Variants in GYG1 observed in about 807,000 individuals in gnomAD.
The protein encoded by GYG1 is glycogenin-1.
Under a neutral mutation model 41.9 loss-of-function variants are expected in GYG1, and 44 were observed. The ratio of observed to expected loss-of-function variants is 1.05; its 90% confidence interval spans 0.83 to 1.35. The LOEUF (loss-of-function observed/expected upper bound fraction) is 1.35. Ranked by LOEUF, GYG1 falls within the 40% of genes most tolerant of loss-of-function variation. GYG1 has a pLI of 0.00. For missense variants in GYG1, 429 were observed against 418.9 expected (o/e 1.02, Z -0.21); for synonymous variants, 141 against 158.1 (o/e 0.89, Z 0.81).
intron 1 of GYG1, 46 bp from the exon 2 acceptor site, chr3:148,994,096 C>A: frequency 6.3e-7 from 1 of 1,576,632 alleles, no homozygotes; most frequent in Non-Finnish European, 8.7e-7. Context: ...AAGGCTTTCT[C>A]CAGATAAGAT....
chr3:149,007,861 G>A (rs1392618425), intron 4 of GYG1: 1 of 152,152 alleles, frequency 6.6e-6, no homozygotes, highest in African/African-American at 2.4e-5. Context: ...TGCTGCTTGG[G>A]AGACTCTGGT....
chr3:148,993,297 C>T (rs1240166633), intron 1 of GYG1, among the ~76,000 whole-genome samples: 1 of 97,074 alleles, frequency 1.0e-5, no homozygotes, highest in African/African-American at 4.3e-5. Flanking sequence ...GATTGGGGTG[C>T]GTGTCTGTTG....
rs895724870 is a variant in GYG1, at chr3:148,996,576, T to C, written c.318+100T>C. 264 of 1,258,750 alleles carry C rather than the reference T, an allele frequency of 2.1e-4. 2 individuals carry two copies. The South Asian group carries it at 3.1e-3, about 15-fold the overall frequency. 78.0% of individuals were successfully genotyped at this position (1,258,750 alleles called of 1,614,324 possible). A position where few individuals can be genotyped will look rare whatever the true frequency, so the allele number is the denominator to read the frequency against. On this transcript the variant is annotated intron_variant, in intron 3 of 7. Transcript: ENST00000345003. Reference sequence around the variant, plus strand: ...ATGCTGTCAAGACTTGACGGTAAAGTTCAGATAGAACCACTGTCATGAAAT... The same window carrying C: ...ATGCTGTCAAGACTTGACGGTAAAGCTCAGATAGAACCACTGTCATGAAAT...
rs1714800418 is a variant in GYG1 at position 149,028,936 on chromosome 3, C to T, written c.*2003C>T. Among the ~76,000 whole-genome samples the T allele has an allele frequency of 1.3e-5, 2 of 152,276 alleles. No individual in the cohort carries two copies. Among genetic ancestry groups the T allele is most frequent in the African/African-American group, 4.8e-5 (2 of 41,574 alleles). On this transcript the variant is annotated 3_prime_UTR_variant, in exon 8 of 8. Coordinates refer to ENST00000345003, the MANE Select transcript of GYG1 (RefSeq NM_004130.4). ...GGTTTCACCATGTTGCCAGGATGGT[C>T]TCAATCTCTTGACCTCGTGATCCAC...
rs747618973 is a variant in GYG1 at position 149,027,094 on chromosome 3, A to G, written c.*161A>G. ...TTAGGATAAGAGGTGAGAACTGGGC[A>G]AAAGTTGTGAAGCAGCAATTCTGTT... On this transcript the variant is annotated 3_prime_UTR_variant, in exon 8 of 8. Coordinates refer to ENST00000345003, the MANE Select transcript of GYG1 (RefSeq NM_004130.4). 8.7e-5 allele frequency: 58 copies of G among 667,848 alleles called. No individual in the cohort carries two copies. The highest frequency in any genetic ancestry group is 1.3e-4 in the Non-Finnish European group (51 of 384,520). The allele number at this position is 667,848 out of a possible 1,614,324, so 41.4% of individuals were successfully genotyped here.
rs537111498 is a variant in GYG1 at position 149,012,528 on chromosome 3, T to TC, written c.608+3126_608+3127insC. 2.2e-4 allele frequency among the ~76,000 whole-genome samples: 34 copies of TC among 152,336 alleles called. No homozygotes were observed. In the South Asian group the frequency reaches 6.4e-3, roughly 29 times the overall value. ...TCTAGAACTTTGTGGCCTTTGGTCT[T>TC]ACATGAAGCTTCAGCTAAAGGATGC... On this transcript the variant is annotated intron_variant, in intron 5 of 7. Transcript: ENST00000345003.
At chr3:148,992,902 G>T (rs1435135829) in intron 1 of GYG1, 2 of 151,794 alleles carry the variant, frequency 1.3e-5, no homozygotes, top group African/African-American at 2.4e-5. Context: ...GCAGCCGAGG[G>T]ATGCGCTGGC....
At position 149,030,448 on chromosome 3, in the gene GYG1, T is replaced by C. The variant is rs1182903251; in HGVS notation, c.*3515T>C. On this transcript the variant is annotated 3_prime_UTR_variant, in exon 8 of 8. Transcript: ENST00000345003. The stretch of plus-strand genomic sequence containing the variant: ...TATGAGTGTGTTTTAAAAACAACTT[T>C]GTAAATGTCTGGGCAAAGAAGCAAG... 6.6e-6 allele frequency: 1 copy of C among 151,142 alleles called. No homozygotes were observed. The highest frequency in any genetic ancestry group is 1.5e-5 in the Non-Finnish European group (1 of 67,698). 9.4% of individuals were successfully genotyped at this position (151,142 alleles called of 1,614,324 possible).
chr3:149,026,441 A>G lies in GYG1; in HGVS notation c.829-11A>G. 6.4e-7 allele frequency: 1 copy of G among 1,569,792 alleles called. No individual in the cohort carries two copies. The highest frequency in any genetic ancestry group is 8.8e-7 in the Non-Finnish European group (1 of 1,139,654). ...CCATCCATCTTACACTTTCTAATGA[A>G]CTGTTTGCAGCTTTCAGACTTGGTC... is the stretch of plus-strand genomic sequence containing the variant. On this transcript the variant is annotated splice_polypyrimidine_tract_variant and intron_variant, in intron 6 of 7. Transcript: ENST00000345003.
intron 5 of GYG1, among the ~76,000 whole-genome samples, chr3:149,018,575 A>C (rs926853266): frequency 6.6e-5 from 10 of 151,838 alleles, no homozygotes; most frequent in African/African-American, 2.4e-4. Flanking sequence ...TTTTTCCCCC[A>C]CTTAACAGCT....
intron 4 of GYG1, among the ~76,000 whole-genome samples, chr3:148,999,607 T>G (rs1469526692): frequency 1.3e-5 from 2 of 152,226 alleles, no homozygotes; most frequent in Non-Finnish European, 2.9e-5. Flanking sequence ...TTATGCTTGA[T>G]AGCAATAAAA....
At chr3:148,993,171 A>T (rs1381964828) in intron 1 of GYG1, among the ~76,000 whole-genome samples, 1 of 151,972 alleles carries the variant, frequency 6.6e-6, no homozygotes, top group Non-Finnish European at 1.5e-5. Context: ...TGTCCCAGGG[A>T]ATGACTGGAG....
chr3:148,996,958 G>T (rs1559834817), intron 4 of GYG1, 54 bp downstream of exon 4: 2 of 1,310,010 alleles, frequency 1.5e-6, no homozygotes, highest in Non-Finnish European at 1.1e-6. Flanking sequence ...ATTTCTAGGG[G>T]CTGCTCTTCT....
chr3:149,006,528 T>G (rs1453896150), intron 4 of GYG1, among the ~76,000 whole-genome samples: 1 of 152,246 alleles, frequency 6.6e-6, no homozygotes, highest in Non-Finnish European at 1.5e-5. Flanking sequence ...GATTGGAGTT[T>G]TTCACTGAGT....
At chr3:149,001,918 C>T (rs2107893599) in intron 4 of GYG1, among the ~76,000 whole-genome samples, 1 of 152,306 alleles carries the variant, frequency 6.6e-6, no homozygotes, top group African/African-American at 2.4e-5. Context: ...AGTAATTTCT[C>T]TGAGTAGACA....
At chr3:148,995,612 C>G (rs1232220706) in intron 2 of GYG1, among the ~76,000 whole-genome samples, 1 of 152,174 alleles carries the variant, frequency 6.6e-6, no homozygotes, top group Non-Finnish European at 1.5e-5. Flanking sequence ...CAGTGATTCT[C>G]CTAACCATTT....
chr3:149,007,811 T>C (rs1041667431), intron 4 of GYG1, among the ~76,000 whole-genome samples: 8 of 152,280 alleles, frequency 5.3e-5, no homozygotes, highest in Admixed American at 3.3e-4. Context: ...CTCGCACATA[T>C]GCACTCATGC....
At position 149,031,003 on chromosome 3, in the gene GYG1, G is replaced by A. The variant is rs1714972924; in HGVS notation, c.*4070G>A. On this transcript the variant is annotated 3_prime_UTR_variant, in exon 8 of 8. Transcript: ENST00000345003. ...ATCAAACATGAAGCTTCTCTTGTTT[G>A]TTAGAGTAATTAATCTTTCTTTGGA... The A allele has an allele frequency of 6.6e-6, 1 of 152,086 alleles. No homozygotes were observed. Among genetic ancestry groups the A allele is most frequent in the Non-Finnish European group, 1.5e-5 (1 of 68,006 alleles). The allele number at this position is 152,086 out of a possible 1,614,324, so 9.4% of individuals were successfully genotyped here.
chr3:148,996,756 T>G lies in GYG1; in HGVS notation c.333T>G (p.Ile111Met), dbSNP rs1712817977. The G allele has an allele frequency of 3.1e-6, 5 of 1,613,858 alleles. No individual in the cohort carries two copies. Among genetic ancestry groups the G allele is most frequent in the Non-Finnish European group, 4.2e-6 (5 of 1,179,848 alleles). Residue 111 changes from isoleucine (I) to methionine (M), a missense_variant, in exon 4 of 8, where the codon ATT (isoleucine) becomes ATG (methionine). By Grantham distance (10) the Ile-to-Met change is conservative (BLOSUM62 1). Transcript: ENST00000345003. Reference protein sequence around the residue: ...MDADTLVLANIDDLFDREELS... With the variant: ...MDADTLVLANMDDLFDREELS... The stretch of plus-strand genomic sequence containing the variant: ...CCTTTGATCAGGTCCTAGCAAATAT[T>G]GATGATCTTTTTGACAGAGAAGAAT...
Sources: gnomAD v4.1 joint callset for allele counts (sites outside exome capture counted in the v4.1 genomes callset) on GRCh38, gnomAD v4.1.1 for gene constraint, MANE v1.5 for transcripts, NCBI Gene and HGNC (gene_info 2026-07-23, HGNC 2026-07-21) for gene names.